The following SMIM35 variants were observed in gnomAD, a reference collection of about 807,000 sequenced individuals.
The protein encoded by SMIM35 is small integral membrane protein 35, also known as TMPRSS4 antisense RNA 1 (non-protein coding).
At chr11:118,063,064 C>G (rs866802891) in intron 1 of SMIM35, among the ~76,000 whole-genome samples, 1 of 152,094 alleles carries the variant, frequency 6.6e-6, no homozygotes, top group African/African-American at 2.4e-5. Context: ...AGGAAGGTAT[C>G]CTATTTGGTC....
chr11:118,006,907 C>A lies in SMIM35; in HGVS notation c.*34-531G>T, dbSNP rs186510300. On this transcript the variant is annotated intron_variant, in intron 4 of 4. Coordinates refer to ENST00000689828, the MANE Select transcript of SMIM35 (RefSeq NM_001394165.1). ...AAGGGGATGTGGTCAAGAGACAAGG[C>A]AAAGGACCATGAAAACATTCAACAT... 6.3e-4 allele frequency among the ~76,000 whole-genome samples: 96 copies of A among 152,266 alleles called. 1 individual carries two copies. The highest frequency in any genetic ancestry group is 2.0e-3 in the African/African-American group (83 of 41,548).
intron 1 of SMIM35, among the ~76,000 whole-genome samples, chr11:118,085,549 G>A (rs899551322): frequency 2.0e-5 from 3 of 152,148 alleles, no homozygotes; most frequent in South Asian, 2.1e-4. Flanking sequence ...AAGTGAGTAC[G>A]ATTCTTGAAA....
At chr11:118,028,611 A>G (rs1284040452) in intron 1 of SMIM35, 1 of 233,814 alleles carries the variant, frequency 4.3e-6, no homozygotes, top group East Asian at 1.1e-4. Context: ...GACATGGGAA[A>G]CTTGGGTTTT....
At chr11:118,052,189 A>C (rs185046077) in intron 1 of SMIM35, among the ~76,000 whole-genome samples, 2 of 152,334 alleles carry the variant, frequency 1.3e-5, no homozygotes, top group South Asian at 2.1e-4. Flanking sequence ...ATCCCCACCC[A>C]CGTCCCCCAA....
At chr11:118,026,944 A>G (rs1395610879) in intron 1 of SMIM35, among the ~76,000 whole-genome samples, 3 of 151,936 alleles carry the variant, frequency 2.0e-5, no homozygotes, top group Non-Finnish European at 4.4e-5. Context: ...ATGTTGCTAC[A>G]GGTGAAAATT....
At chr11:118,084,212 A>T (rs1018797422) in intron 1 of SMIM35, among the ~76,000 whole-genome samples, 2 of 152,130 alleles carry the variant, frequency 1.3e-5, no homozygotes, top group African/African-American at 4.8e-5. Flanking sequence ...ATAACTTGCT[A>T]AAGCCTCAGG....
At chr11:118,059,559 C>G (rs1944366710) in intron 1 of SMIM35, 1 of 152,290 alleles carries the variant, frequency 6.6e-6, no homozygotes, top group African/African-American at 2.4e-5. Context: ...CACAAGTTGG[C>G]TGCTGTTGTT....
At chr11:118,066,045 G>A (rs1008275399) in intron 1 of SMIM35, among the ~76,000 whole-genome samples, 1 of 151,718 alleles carries the variant, frequency 6.6e-6, no homozygotes, top group South Asian at 2.1e-4. Context: ...AGAGGGGGCT[G>A]CAGCCCCAAA....
chr11:118,013,181 G>C (rs749228343), intron 4 of SMIM35, among the ~76,000 whole-genome samples: 5 of 152,346 alleles, frequency 3.3e-5, no homozygotes, highest in Non-Finnish European at 7.3e-5. Context: ...GAGGGGCCAG[G>C]CCAGGCCTTG....
At chr11:118,050,851 G>C (rs1944202051) in intron 1 of SMIM35, among the ~76,000 whole-genome samples, 1 of 152,160 alleles carries the variant, frequency 6.6e-6, no homozygotes, top group Admixed American at 6.5e-5. Context: ...TTGAATCCCA[G>C]ACCCAGGACT....
intron 1 of SMIM35, among the ~76,000 whole-genome samples, chr11:118,072,199 AC>A (rs1278654736): frequency 6.6e-6 from 1 of 152,206 alleles, no homozygotes; most frequent in African/African-American, 2.4e-5. Flanking sequence ...ACAATCAGAA[AC>A]AACTGGCAGC....
At chr11:118,042,669 G>GA (rs1199031373) in intron 1 of SMIM35, among the ~76,000 whole-genome samples, 1 of 152,050 alleles carries the variant, frequency 6.6e-6, no homozygotes, top group Non-Finnish European at 1.5e-5. Flanking sequence ...GAAAACCAGA[G>GA]AAAAAATATC....
chr11:118,024,084 T>C (rs778886150), intron 1 of SMIM35, among the ~76,000 whole-genome samples: 3 of 151,332 alleles, frequency 2.0e-5, no homozygotes, highest in Non-Finnish European at 4.4e-5. Context: ...AGCCACCTAA[T>C]ATATGTGTAA....
At chr11:118,035,100 C>T (rs12223686) in intron 1 of SMIM35, among the ~76,000 whole-genome samples, 6,049 of 152,050 alleles carry the variant, frequency 0.04, 204 homozygotes, top group East Asian at 0.19. Flanking sequence ...CGTAGGCATC[C>T]GCCATTGTGC....
At chr11:118,028,021 T>C (rs1277328369) in intron 1 of SMIM35, among the ~76,000 whole-genome samples, 7 of 152,244 alleles carry the variant, frequency 4.6e-5, no homozygotes, top group Non-Finnish European at 7.3e-5. Flanking sequence ...GGGCAAGATA[T>C]GCATTCAAGA....
chr11:118,038,250 T>C (rs967421841), intron 1 of SMIM35, among the ~76,000 whole-genome samples: 8 of 152,236 alleles, frequency 5.3e-5, no homozygotes, highest in African/African-American at 1.9e-4. Flanking sequence ...TTGGGCAGTG[T>C]CGTCCTGCTT....
chr11:118,071,404 C>G (rs1001013528), intron 1 of SMIM35, among the ~76,000 whole-genome samples: 3 of 152,224 alleles, frequency 2.0e-5, no homozygotes, highest in African/African-American at 7.2e-5. Context: ...CAGTAGAAAT[C>G]CTTTCCAGAA....
chr11:118,016,692 C>G (rs1732403486), intron 1 of SMIM35, among the ~76,000 whole-genome samples: 1 of 152,208 alleles, frequency 6.6e-6, no homozygotes, highest in Non-Finnish European at 1.5e-5. Flanking sequence ...CCCTGACACA[C>G]ACAAGTCCCT....
chr11:118,054,657 GTTA>G (rs1944282170), intron 1 of SMIM35, among the ~76,000 whole-genome samples: 1 of 152,032 alleles, frequency 6.6e-6, no homozygotes, highest in South Asian at 2.1e-4. Context: ...AAATATGTAT[GTTA>G]TCACTGCCTA....
Sources: allele counts gnomAD v4.1 joint callset (sites outside exome capture counted in the v4.1 genomes callset), GRCh38; gene constraint gnomAD v4.1.1; transcripts MANE v1.5; gene names NCBI Gene and HGNC (gene_info 2026-07-23, HGNC 2026-07-21).